The following GKAP1 variants were observed in gnomAD, a reference collection of about 807,000 sequenced individuals.
GKAP1 encodes G kinase anchoring protein 1.
In GKAP1, 31 loss-of-function variants were observed where a neutral mutation model predicts 56.7. The ratio of observed to expected loss-of-function variants is 0.55; its 90% confidence interval spans 0.41 to 0.74. The LOEUF (loss-of-function observed/expected upper bound fraction) is 0.74, where lower values mean the gene tolerates loss of function less well. Ranked by LOEUF, GKAP1 falls within the 30% of genes least tolerant of loss-of-function variation. GKAP1 has a pLI of 0.00. For synonymous variants in GKAP1, 151 were observed against 138.6 expected (o/e 1.09, Z -0.63); for missense variants, 364 against 402.3 (o/e 0.90, Z 0.82).
intron 9 of GKAP1, among the ~76,000 whole-genome samples, chr9:83,752,842 G>A (rs1282228467): frequency 6.6e-6 from 1 of 152,084 alleles, no homozygotes; most frequent in Non-Finnish European, 1.5e-5. Flanking sequence ...AGGCTGGGGT[G>A]GGCGGATCTC....
intron 3 of GKAP1, 146 bp downstream of exon 3, chr9:83,806,156 C>T (rs1413719278): frequency 3.3e-6 from 2 of 606,102 alleles, no homozygotes; most frequent in Non-Finnish European, 5.8e-6. Context: ...TTTAAATATA[C>T]ACAAATTCAC....
chr9:83,758,092 C>A (rs545756555), intron 8 of GKAP1, among the ~76,000 whole-genome samples: 2 of 152,268 alleles, frequency 1.3e-5, no homozygotes, highest in South Asian at 4.1e-4. Flanking sequence ...AGCGTTGGTG[C>A]AGTTGTGGAG....
At chr9:83,781,868 G>T (rs1446320580) in intron 6 of GKAP1, among the ~76,000 whole-genome samples, 14 of 134,356 alleles carry the variant, frequency 1.0e-4, no homozygotes, top group Non-Finnish European at 3.1e-5. Flanking sequence ...TTTTGAGATG[G>T]AGTCTCACCC....
At chr9:83,796,382 G>C (rs772784587) in intron 4 of GKAP1, among the ~76,000 whole-genome samples, 1 of 152,178 alleles carries the variant, frequency 6.6e-6, no homozygotes, top group African/African-American at 2.4e-5. Context: ...AATTGGCTCA[G>C]CTTTCTTTAG....
At chr9:83,745,271 C>T (rs1322575697) in intron 10 of GKAP1, among the ~76,000 whole-genome samples, 4 of 152,136 alleles carry the variant, frequency 2.6e-5, no homozygotes, top group Admixed American at 6.5e-5. Flanking sequence ...TGGGCTCAAG[C>T]GATCCACCTG....
intron 5 of GKAP1, among the ~76,000 whole-genome samples, chr9:83,786,696 C>A (rs6559742): frequency 0.75 from 113,357 of 152,132 alleles, 42,965 homozygotes; most frequent in East Asian, 1. Context: ...CCATCAATGT[C>A]ATCACATCAA....
chr9:83,807,415 A>C (rs996886923), intron 2 of GKAP1, among the ~76,000 whole-genome samples: 4 of 152,232 alleles, frequency 2.6e-5, no homozygotes, highest in African/African-American at 9.6e-5. Flanking sequence ...CAGAAGACTA[A>C]GTGCTCTTCT....
intron 2 of GKAP1, among the ~76,000 whole-genome samples, chr9:83,811,570 T>C (rs1944506295): frequency 6.6e-6 from 1 of 152,158 alleles, no homozygotes; most frequent in Non-Finnish European, 1.5e-5. Context: ...GACAAAATTA[T>C]TTTTCTGGTA....
At chr9:83,752,923 T>C (rs993906435) in intron 9 of GKAP1, among the ~76,000 whole-genome samples, 1 of 151,700 alleles carries the variant, frequency 6.6e-6, no homozygotes, top group African/African-American at 2.4e-5. Context: ...ATACAAAAAT[T>C]AGCCGGGCGT....
intron 6 of GKAP1, among the ~76,000 whole-genome samples, chr9:83,783,472 CT>C (rs1472496737): frequency 6.6e-6 from 1 of 152,180 alleles, no homozygotes; most frequent in African/African-American, 2.4e-5. Context: ...AGCTACCATA[CT>C]GTACAGCACA....
chr9:83,756,630 C>T (rs1467871111), intron 8 of GKAP1, among the ~76,000 whole-genome samples: 4 of 151,988 alleles, frequency 2.6e-5, no homozygotes, highest in African/African-American at 9.7e-5. Context: ...ATTATCAGTA[C>T]TGTAGTAGTT....
rs111519775 is a variant in GKAP1 at position 83,790,886 on chromosome 9, C to A, written c.361-2208G>T. 6.6e-5 allele frequency among the ~76,000 whole-genome samples: 10 copies of A among 152,208 alleles called. 1 individual carries two copies. The highest frequency in any genetic ancestry group is 2.4e-4 in the African/African-American group (10 of 41,552). ...CTGAACAAAGCTTTTCAATTTGCCA[C>A]TAAAATTTTAATCCCTATTGATGAC... On this transcript the variant is annotated intron_variant, in intron 4 of 12. Coordinates refer to ENST00000376371, the MANE Select transcript of GKAP1 (RefSeq NM_025211.4).
chr9:83,789,874 A>AC (rs1210901124), intron 4 of GKAP1, among the ~76,000 whole-genome samples: 1 of 152,098 alleles, frequency 6.6e-6, no homozygotes, highest in African/African-American at 2.4e-5. Flanking sequence ...TTCAAGACCT[A>AC]ATTATTTAGT....
At chr9:83,751,204 T>C (rs966870201) in intron 9 of GKAP1, among the ~76,000 whole-genome samples, 1 of 152,216 alleles carries the variant, frequency 6.6e-6, no homozygotes. Flanking sequence ...TTTCAACTTC[T>C]AGTTTCCCAT....
chr9:83,808,833 G>C (rs144666343), intron 2 of GKAP1, among the ~76,000 whole-genome samples: 1 of 152,192 alleles, frequency 6.6e-6, no homozygotes, highest in Non-Finnish European at 1.5e-5. Context: ...TTTGGCCAGC[G>C]AAATATAAAC....
At chr9:83,777,123 GT>G (rs1360539137) in intron 7 of GKAP1, among the ~76,000 whole-genome samples, 1 of 152,140 alleles carries the variant, frequency 6.6e-6, no homozygotes, top group Non-Finnish European at 1.5e-5. Context: ...CTATCCCTCT[GT>G]CCAATATCTC....
intron 6 of GKAP1, among the ~76,000 whole-genome samples, chr9:83,781,681 A>C (rs1395202049): frequency 1.3e-5 from 2 of 152,144 alleles, no homozygotes; most frequent in African/African-American, 4.8e-5. Flanking sequence ...AAGAACCTCA[A>C]CTGTGTTAAT....
At chr9:83,813,150 T>G (rs1351675883) in intron 2 of GKAP1, among the ~76,000 whole-genome samples, 2 of 152,206 alleles carry the variant, frequency 1.3e-5, no homozygotes, top group Non-Finnish European at 2.9e-5. Flanking sequence ...GATAAATAGA[T>G]TCAAACACAG....
chr9:83,798,528 T>C (rs1944282652), intron 4 of GKAP1, among the ~76,000 whole-genome samples: 1 of 152,178 alleles, frequency 6.6e-6, no homozygotes, highest in Non-Finnish European at 1.5e-5. Flanking sequence ...TATTTGTTTT[T>C]TGTTATGAGA....
Sources: allele counts gnomAD v4.1 joint callset (sites outside exome capture counted in the v4.1 genomes callset), GRCh38; gene constraint gnomAD v4.1.1; transcripts MANE v1.5; gene names NCBI Gene and HGNC (gene_info 2026-07-23, HGNC 2026-07-21).